Variants in DLGAP1 observed in about 807,000 individuals in gnomAD.
DLGAP1 encodes DLG associated protein 1, also known as disks large-associated protein 1.
In DLGAP1, 11 loss-of-function variants were observed where a neutral mutation model predicts 90.8. The ratio of observed to expected loss-of-function variants is 0.12; its 90% CI spans 0.08 to 0.20. The LOEUF (loss-of-function observed/expected upper bound fraction) is 0.20, where lower values mean the gene tolerates loss of function less well. DLGAP1 is among the 10% of genes least tolerant of loss of function. The probability of loss-of-function intolerance (pLI) is 1.00; values close to 1 mark genes in which losing one functional copy is unlikely to be tolerated. For missense variants in DLGAP1, 1,050 were observed against 1,333.8 expected (o/e 0.79, Z 3.31); for synonymous variants, 558 against 540.7 (o/e 1.03, Z -0.44).
chr18:4,407,532 C>G (rs191324266), intron 1 of DLGAP1, among the ~76,000 whole-genome samples: 1 of 152,278 alleles, frequency 6.6e-6, no homozygotes, highest in Admixed American at 6.5e-5. Context: ...TGGCTATGCT[C>G]CCTAGGAGCT....
chr18:3,626,154 G>T (rs575289262), intron 7 of DLGAP1, among the ~76,000 whole-genome samples: 2 of 152,092 alleles, frequency 1.3e-5, no homozygotes, highest in Non-Finnish European at 2.9e-5. Context: ...TTAGCCCAGC[G>T]TGGTGGCACA....
intron 1 of DLGAP1, among the ~76,000 whole-genome samples, chr18:4,366,704 T>TG (rs200966849): frequency 2.7e-5 from 4 of 150,622 alleles, no homozygotes; most frequent in Non-Finnish European, 5.9e-5. Context: ...CCAACGTCCA[T>TG]GGAAAAAAAA....
rs1598424855 is a variant in DLGAP1 at position 3,711,642 on chromosome 18, C to T, written c.1591+17493G>A. On this transcript the variant is annotated intron_variant, in intron 7 of 12. Coordinates refer to ENST00000315677, the MANE Select transcript of DLGAP1 (RefSeq NM_004746.4). This position sits in a 1 kb window ranked among gnomAD's most constrained non-coding sequence, Gnocchi z 4.0. ...TCACTTGAGCCCAGGAGTCTGAGAC[C>T]AGCCTGGGCAACACAGCAAAGCTCC... Among the ~76,000 whole-genome samples the T allele has an allele frequency of 6.6e-6, 1 of 152,068 alleles. No homozygotes were observed. Among genetic ancestry groups the T allele is most frequent in the African/African-American group, 2.4e-5 (1 of 41,396 alleles).
intron 8 of DLGAP1, among the ~76,000 whole-genome samples, chr18:3,570,468 G>A (rs958440196): frequency 6.6e-6 from 1 of 151,594 alleles, no homozygotes; most frequent in Non-Finnish European, 1.5e-5. Flanking sequence ...TCGTAGAGAC[G>A]GGATTTCACT....
At chr18:3,558,008 C>T (rs2053858002) in intron 9 of DLGAP1, among the ~76,000 whole-genome samples, 1 of 151,922 alleles carries the variant, frequency 6.6e-6, no homozygotes, top group South Asian at 2.1e-4. Context: ...TCCATATGAG[C>T]TTGAGAAGAA....
chr18:4,345,298 G>A (rs80201166), intron 1 of DLGAP1, among the ~76,000 whole-genome samples: 5,841 of 152,042 alleles, frequency 0.038, 122 homozygotes, highest in African/African-American at 0.051. Flanking sequence ...TCTTTTCTCA[G>A]CTCCAATTCT....
intron 7 of DLGAP1, among the ~76,000 whole-genome samples, chr18:3,691,872 A>G (rs747791985): frequency 6.6e-6 from 1 of 152,178 alleles, no homozygotes; most frequent in Non-Finnish European, 1.5e-5. Context: ...GTGAGCCGAG[A>G]TCATGCCACT....
chr18:3,593,616 A>C (rs1208716142), intron 7 of DLGAP1: 1 of 152,160 alleles, frequency 6.6e-6, no homozygotes, highest in Non-Finnish European at 1.5e-5. Flanking sequence ...ATGTGAATGA[A>C]ATGGAGGGTA....
intron 1 of DLGAP1, among the ~76,000 whole-genome samples, chr18:4,309,119 C>T (rs2080335996): frequency 6.6e-6 from 1 of 152,170 alleles, no homozygotes; most frequent in South Asian, 2.1e-4. Flanking sequence ...GACATGACAA[C>T]ACACATGGCT....
At position 3,879,638 on chromosome 18, in the gene DLGAP1, GAGTGCACCAGGTGGCGGA is replaced by G; in HGVS notation, c.413_430del (p.Ile138_Ser144delinsThr). ...CGACTTGGTGAAGAGCTTCTGGACC[GAGTGCACCAGGTGGCGGA>G]TGCGGCCGGGGCTGTCGCTGCGGTG... On this transcript the variant is annotated inframe_deletion, in exon 4 of 13. Transcript: ENST00000315677. The surrounding 1 kb of genome is among the most constrained non-coding windows in gnomAD (Gnocchi z 6.6). 1 of 1,605,120 alleles carries G rather than the reference GAGTGCACCAGGTGGCGGA, an allele frequency of 6.2e-7. No homozygotes were observed.
At chr18:3,516,807 G>T (rs1454235485) in intron 10 of DLGAP1, among the ~76,000 whole-genome samples, 1 of 152,168 alleles carries the variant, frequency 6.6e-6, no homozygotes, top group Non-Finnish European at 1.5e-5. Flanking sequence ...CCACCCCCAT[G>T]ATTTAATCAT....
At chr18:4,204,000 C>T (rs1369969932) in intron 1 of DLGAP1, among the ~76,000 whole-genome samples, 7 of 152,148 alleles carry the variant, frequency 4.6e-5, no homozygotes, top group African/African-American at 1.4e-4. Context: ...TAGGATTTAC[C>T]ATGCTTCTAG....
chr18:3,575,849 C>T (rs553749182), intron 8 of DLGAP1, among the ~76,000 whole-genome samples: 57 of 152,208 alleles, frequency 3.7e-4, no homozygotes, highest in African/African-American at 1.3e-3. Context: ...TGTTTTGGTG[C>T]CATATTATAC....
At chr18:3,708,886 G>A (rs1234759009) in intron 7 of DLGAP1, among the ~76,000 whole-genome samples, 1 of 152,138 alleles carries the variant, frequency 6.6e-6, no homozygotes, top group Non-Finnish European at 1.5e-5. Flanking sequence ...GAGAGGACCA[G>A]GTTTCTTTAA....
At chr18:3,646,694 G>A (rs977106128) in intron 7 of DLGAP1, among the ~76,000 whole-genome samples, 3 of 152,190 alleles carry the variant, frequency 2.0e-5, no homozygotes, top group African/African-American at 4.8e-5. Context: ...GGAGGCCGAG[G>A]CGGGCAGATC....
intron 1 of DLGAP1, among the ~76,000 whole-genome samples, chr18:4,352,926 G>A (rs1283372211): frequency 6.6e-6 from 1 of 152,034 alleles, no homozygotes; most frequent in Non-Finnish European, 1.5e-5. Context: ...TGGAGCCCTC[G>A]GTGAGTATGA....
chr18:4,429,793 A>C (rs1035705686), intron 1 of DLGAP1, among the ~76,000 whole-genome samples: 3 of 152,224 alleles, frequency 2.0e-5, no homozygotes, highest in Admixed American at 2.0e-4. Flanking sequence ...GAAATCTTCC[A>C]ACAAACCAAA....
chr18:3,894,556 G>A (rs2071565711), intron 3 of DLGAP1: 1 of 152,202 alleles, frequency 6.6e-6, no homozygotes, highest in Admixed American at 6.5e-5. Flanking sequence ...CTATTTTTAT[G>A]CTAGTATCTT....
intron 8 of DLGAP1, among the ~76,000 whole-genome samples, chr18:3,569,094 C>T (rs879285661): frequency 8.6e-5 from 13 of 151,848 alleles, no homozygotes; most frequent in East Asian, 3.9e-4. Flanking sequence ...CTCCGCTTCC[C>T]GGGTTCAAGC....
Sources: allele counts gnomAD v4.1 joint callset (sites outside exome capture counted in the v4.1 genomes callset), GRCh38; gene constraint gnomAD v4.1.1; non-coding constraint Gnocchi (gnomAD v3.1); transcripts MANE v1.5; gene names NCBI Gene and HGNC (gene_info 2026-07-23, HGNC 2026-07-21).